The following CYP7B1 variants were observed in gnomAD, a reference collection of about 807,000 sequenced individuals.
CYP7B1 encodes the protein cytochrome P450 family 7 subfamily B member 1.
CYP7B1 carries 29 observed loss-of-function variants against 42.7 expected under a neutral mutation model. The observed-to-expected ratio is 0.68, with a 90% CI of 0.51 to 0.93. The LOEUF is 0.93. Among genes scored for constraint, CYP7B1 ranks in the 40% least tolerant of loss-of-function variants. The probability of loss-of-function intolerance (pLI) is 0.00; values close to 1 mark genes in which losing one functional copy is unlikely to be tolerated. For missense variants in CYP7B1, 655 were observed against 600.5 expected, an observed-to-expected ratio of 1.09 and a Z score of -0.95; for synonymous variants, 235 against 218.2, an observed-to-expected ratio of 1.08 and a Z score of -0.68.
chr8:64,798,062 AC>A (rs1804733198), intron 1 of CYP7B1, among the ~76,000 whole-genome samples: 2 of 152,212 alleles, frequency 1.3e-5, no homozygotes, highest in African/African-American at 4.8e-5. Flanking sequence ...CACACCATGC[AC>A]TGGCATTTTC....
chr8:64,649,797 T>C (rs1585831819), intron 1 of CYP7B1, among the ~76,000 whole-genome samples: 1 of 152,256 alleles, frequency 6.6e-6, no homozygotes, highest in East Asian at 1.9e-4. Context: ...GATTTGCATT[T>C]ACCTAATTAC....
chr8:64,764,251 G>GC (rs1413717483), intron 1 of CYP7B1, among the ~76,000 whole-genome samples: 1 of 76,660 alleles, frequency 1.3e-5, no homozygotes, highest in Non-Finnish European at 2.7e-5. Context: ...CCCTTCCCCC[G>GC]CCCCCTGCAA....
rs1000294348 is a variant in CYP7B1, at chr8:64,612,774, C to G, written c.1057+2252G>C. ...TAAAAGTTTAAACTTTTTTTTAAGA[C>G]ATTGCATTTAAAATACATAGAACTC... is the stretch of plus-strand genomic sequence containing the variant. On this transcript the variant is annotated intron_variant, in intron 4 of 5. Coordinates refer to ENST00000310193, the MANE Select transcript of CYP7B1 (RefSeq NM_004820.5). Among the ~76,000 whole-genome samples the G allele has an allele frequency of 2.8e-4, 43 of 151,890 alleles. 1 individual carries two copies. Among genetic ancestry groups the G allele is most frequent in the Non-Finnish European group, 8.8e-5 (6 of 67,978 alleles).
intron 1 of CYP7B1, among the ~76,000 whole-genome samples, chr8:64,711,106 G>C (rs1807072762): frequency 6.6e-6 from 1 of 152,116 alleles, no homozygotes. Flanking sequence ...GCATGAGAGG[G>C]AGGGAGGGAG....
chr8:64,693,788 G>A (rs943364998), intron 1 of CYP7B1, among the ~76,000 whole-genome samples: 3 of 152,138 alleles, frequency 2.0e-5, no homozygotes, highest in Non-Finnish European at 4.4e-5. Context: ...TGTGTAACTT[G>A]TTTGCTGGTC....
chr8:64,756,746 G>C (rs1443439234), intron 1 of CYP7B1, among the ~76,000 whole-genome samples: 1 of 152,200 alleles, frequency 6.6e-6, no homozygotes, highest in Non-Finnish European at 1.5e-5. Flanking sequence ...TCATAAATGA[G>C]AAAACTGAGA....
chr8:64,621,734 A>ATTTT (rs201366655), intron 2 of CYP7B1, among the ~76,000 whole-genome samples: 3 of 132,644 alleles, frequency 2.3e-5, no homozygotes, highest in East Asian at 2.1e-4. Context: ...AATGCATACA[A>ATTTT]TTTTTTTTTT....
chr8:64,687,323 A>G (rs1234499359), intron 1 of CYP7B1, among the ~76,000 whole-genome samples: 4 of 152,224 alleles, frequency 2.6e-5, no homozygotes, highest in African/African-American at 9.6e-5. Flanking sequence ...AGTTAGTTAC[A>G]AAAGACCACA....
At chr8:64,601,834 T>G (rs1393513787) in intron 5 of CYP7B1, among the ~76,000 whole-genome samples, 1 of 152,192 alleles carries the variant, frequency 6.6e-6, no homozygotes, top group African/African-American at 2.4e-5. Context: ...GAGGGCTAGT[T>G]CAGAAGTAGC....
intron 1 of CYP7B1, among the ~76,000 whole-genome samples, chr8:64,747,233 C>T (rs1807657014): frequency 6.8e-6 from 1 of 147,268 alleles, no homozygotes; most frequent in South Asian, 2.1e-4. Context: ...TATATATAAA[C>T]ATAATAATAT....
intron 1 of CYP7B1, among the ~76,000 whole-genome samples, chr8:64,796,325 T>C (rs906872083): frequency 2.6e-5 from 4 of 152,156 alleles, no homozygotes; most frequent in African/African-American, 4.8e-5. Flanking sequence ...AAGAACCCAA[T>C]AGAAAAATAA....
intron 1 of CYP7B1, among the ~76,000 whole-genome samples, chr8:64,663,419 G>A (rs558233840): frequency 3.3e-5 from 5 of 152,284 alleles, no homozygotes; most frequent in African/African-American, 7.2e-5. Flanking sequence ...GCTTCACTCC[G>A]TAACATGAGG....
intron 1 of CYP7B1, among the ~76,000 whole-genome samples, chr8:64,657,912 A>C (rs1466296187): frequency 6.6e-6 from 1 of 152,228 alleles, no homozygotes; most frequent in Non-Finnish European, 1.5e-5. Flanking sequence ...CAAACAACAG[A>C]AATTTACTTC....
chr8:64,728,941 T>C (rs1266558595), intron 1 of CYP7B1: 1 of 152,210 alleles, frequency 6.6e-6, no homozygotes, highest in Non-Finnish European at 1.5e-5. Context: ...GGTGAATCTT[T>C]TGAGTCCAGG....
At chr8:64,710,068 T>C (rs950684483) in intron 1 of CYP7B1, among the ~76,000 whole-genome samples, 9 of 152,076 alleles carry the variant, frequency 5.9e-5, no homozygotes, top group African/African-American at 2.2e-4. Flanking sequence ...GTTCAAGCAG[T>C]AGAGAGTCAC....
chr8:64,784,041 C>T (rs1804478288), intron 1 of CYP7B1, among the ~76,000 whole-genome samples: 1 of 152,222 alleles, frequency 6.6e-6, no homozygotes, highest in South Asian at 2.1e-4. Flanking sequence ...CAGTCCTTGA[C>T]AGATGCAAAT....
Position 64,595,283 on chromosome 8 carries a change from A to G in CYP7B1, c.*1359T>C, listed in dbSNP as rs192980283. Reference sequence around the variant, plus strand: ...TCAGGAAGGATAAAATAAATGCTAGACTGTCTTATTTACTTACTAAGAATG... The same window carrying G: ...TCAGGAAGGATAAAATAAATGCTAGGCTGTCTTATTTACTTACTAAGAATG... On this transcript the variant is annotated 3_prime_UTR_variant, in exon 6 of 6. Coordinates refer to ENST00000310193, the MANE Select transcript of CYP7B1 (RefSeq NM_004820.5). Among the ~76,000 whole-genome samples the G allele has an allele frequency of 3.8e-4, 58 of 152,336 alleles. No individual in the cohort carries two copies. The highest frequency in any genetic ancestry group is 1.3e-3 in the African/African-American group (56 of 41,582).
intron 1 of CYP7B1, among the ~76,000 whole-genome samples, chr8:64,757,431 A>G (rs2129633631): frequency 6.6e-6 from 1 of 152,340 alleles, no homozygotes; most frequent in South Asian, 2.1e-4. Context: ...AATTTCTCAT[A>G]GAAAAAGGAT....
chr8:64,685,257 C>G (rs1438895222), intron 1 of CYP7B1, among the ~76,000 whole-genome samples: 3 of 148,590 alleles, frequency 2.0e-5, no homozygotes, highest in African/African-American at 7.5e-5. Context: ...TCCCAAAGTG[C>G]CGAGATTGCA....
Sources: allele counts gnomAD v4.1 joint callset (sites outside exome capture counted in the v4.1 genomes callset), GRCh38; gene constraint gnomAD v4.1.1; transcripts MANE v1.5; gene names NCBI Gene and HGNC (gene_info 2026-07-23, HGNC 2026-07-21).